STXBP5L: variants seen among roughly 807,000 people sequenced by gnomAD.
The protein encoded by STXBP5L is syntaxin-binding protein 5-like.
In STXBP5L, 65 loss-of-function variants were observed where a neutral mutation model predicts 144.5. The ratio of observed to expected loss-of-function variants is 0.45; its 90% confidence interval spans 0.37 to 0.55. The LOEUF is 0.55. Among genes scored for constraint, STXBP5L ranks in the 20% least tolerant of loss-of-function variants. The pLI is 0.00. For missense variants in STXBP5L, 1,298 were observed against 1,405.5 expected, an observed-to-expected ratio of 0.92 and a Z score of 1.22; for synonymous variants, 505 against 469.6, an observed-to-expected ratio of 1.08 and a Z score of -0.97.
chr3:121,053,396 A>G (rs1241105525), intron 5 of STXBP5L, among the ~76,000 whole-genome samples: 3 of 152,226 alleles, frequency 2.0e-5, no homozygotes, highest in Admixed American at 6.5e-5. Context: ...AAACAGAGAT[A>G]TAGATCAATG....
At chr3:121,151,853 A>G (rs778319784) in intron 7 of STXBP5L, among the ~76,000 whole-genome samples, 2 of 152,022 alleles carry the variant, frequency 1.3e-5, no homozygotes, top group Non-Finnish European at 2.9e-5. Context: ...TAGCTTAATG[A>G]CTGAGTCTTA....
At chr3:121,396,092 T>C (rs554789103) in intron 22 of STXBP5L, among the ~76,000 whole-genome samples, 33 of 152,360 alleles carry the variant, frequency 2.2e-4, no homozygotes, top group African/African-American at 7.9e-4. Context: ...CCCCACCAAA[T>C]CAGTTGTTCT....
intron 5 of STXBP5L, among the ~76,000 whole-genome samples, chr3:121,063,425 A>G (rs917798122): frequency 4.6e-5 from 7 of 152,110 alleles, no homozygotes; most frequent in South Asian, 2.1e-4. Context: ...TGTATGAGGT[A>G]TCTGTCAACC....
At chr3:121,272,878 T>G (rs1216607335) in intron 18 of STXBP5L, among the ~76,000 whole-genome samples, 1 of 152,076 alleles carries the variant, frequency 6.6e-6, no homozygotes. Flanking sequence ...TCAATTTCAT[T>G]CAAAATCTCT....
chr3:121,401,987 A>G (rs2046888758), intron 22 of STXBP5L, among the ~76,000 whole-genome samples: 1 of 152,174 alleles, frequency 6.6e-6, no homozygotes. Flanking sequence ...AACCTTGAAG[A>G]CAAAAAGTGG....
At chr3:121,259,592 T>A (rs1228807317) in intron 18 of STXBP5L, among the ~76,000 whole-genome samples, 1 of 152,124 alleles carries the variant, frequency 6.6e-6, no homozygotes, top group East Asian at 1.9e-4. Flanking sequence ...AGACCTTACA[T>A]TTGATTATTT....
intron 12 of STXBP5L, among the ~76,000 whole-genome samples, chr3:121,237,926 A>T (rs1227305553): frequency 6.6e-6 from 1 of 152,190 alleles, no homozygotes; most frequent in Non-Finnish European, 1.5e-5. Flanking sequence ...AGACCTCATT[A>T]GCATAGCCTT....
chr3:120,963,861 T>TAA (rs1939204188), intron 3 of STXBP5L, among the ~76,000 whole-genome samples: 1 of 152,204 alleles, frequency 6.6e-6, no homozygotes, highest in Non-Finnish European at 1.5e-5. Context: ...CAGCTCCTCT[T>TAA]AGTACCTCTG....
In STXBP5L at chr3:121,028,794, A is replaced by G. The variant is rs1400959292; in HGVS notation, c.288-12906A>G. ...ACTTTGCTTCCTTCACTGAGCCAAA[A>G]TTCCACATTCAGGTTCTGTTTTTGT... On this transcript the variant is annotated intron_variant, in intron 3 of 26. Transcript: ENST00000471454. Among the ~76,000 whole-genome samples, 5 of 152,202 alleles carry G rather than the reference A, an allele frequency of 3.3e-5. No individual in the cohort carries two copies. The East Asian group carries it at 9.6e-4, about 29-fold the overall frequency.
At position 120,921,977 on chromosome 3, in the gene STXBP5L, A is replaced by AT. The variant is rs200714706; in HGVS notation, c.189+12219dup. Among the ~76,000 whole-genome samples, 184 of 150,728 alleles carry AT rather than the reference A, an allele frequency of 1.2e-3. 3 individuals carry two copies. In the East Asian group the frequency reaches 0.025, roughly 21 times the overall value. Reference sequence around the variant, plus strand: ...TTTGTGGTTTCATATAAATTTTAGGATTTTTTTTTGTGTTTCTGTGAAGAA... The same window carrying AT: ...TTTGTGGTTTCATATAAATTTTAGGATTTTTTTTTTGTGTTTCTGTGAAGAA... On this transcript the variant is annotated intron_variant, in intron 2 of 26. Transcript: ENST00000471454.
intron 9 of STXBP5L, among the ~76,000 whole-genome samples, chr3:121,192,042 A>T (rs1471554713): frequency 6.6e-6 from 1 of 152,152 alleles, no homozygotes; most frequent in African/African-American, 2.4e-5. Flanking sequence ...ACATGTATAC[A>T]TATGTAACAA....
At chr3:121,111,656 A>G (rs1026687683) in intron 5 of STXBP5L, among the ~76,000 whole-genome samples, 2 of 152,178 alleles carry the variant, frequency 1.3e-5, no homozygotes, top group Middle Eastern at 3.2e-3. Context: ...ATGGTCCTAA[A>G]TAAGGTGTCT....
intron 18 of STXBP5L, among the ~76,000 whole-genome samples, chr3:121,267,870 C>A (rs1293800118): frequency 6.6e-6 from 1 of 152,098 alleles, no homozygotes; most frequent in Non-Finnish European, 1.5e-5. Context: ...TTATCTCACG[C>A]CAGTTAGAAT....
intron 23 of STXBP5L, among the ~76,000 whole-genome samples, chr3:121,412,218 A>T (rs2047128295): frequency 6.6e-6 from 1 of 152,144 alleles, no homozygotes; most frequent in Non-Finnish European, 1.5e-5. Flanking sequence ...TTCTGCCAGG[A>T]AACCAGGGTC....
intron 9 of STXBP5L, among the ~76,000 whole-genome samples, chr3:121,180,296 A>G (rs541683433): frequency 6.6e-6 from 1 of 152,332 alleles, no homozygotes; most frequent in Admixed American, 6.5e-5. Flanking sequence ...GCCTACTTAA[A>G]CAAAATACTT....
intron 19 of STXBP5L, among the ~76,000 whole-genome samples, chr3:121,299,706 G>T (rs2051809085): frequency 1.3e-5 from 2 of 151,838 alleles, no homozygotes; most frequent in African/African-American, 2.4e-5. Context: ...ATACAAAAAG[G>T]CCAGGCATGG....
At chr3:121,059,436 G>A (rs767208532) in intron 5 of STXBP5L, among the ~76,000 whole-genome samples, 6 of 152,106 alleles carry the variant, frequency 3.9e-5, no homozygotes, top group Non-Finnish European at 5.9e-5. Context: ...TTTTTGCTTA[G>A]GATTGTCGTG....
intron 3 of STXBP5L, among the ~76,000 whole-genome samples, chr3:120,996,887 C>T (rs1288003386): frequency 6.6e-6 from 1 of 152,108 alleles, no homozygotes; most frequent in Non-Finnish European, 1.5e-5. Context: ...ATTTGGTCTA[C>T]AGATTATATC....
At chr3:121,331,259 C>T (rs2044312435) in intron 20 of STXBP5L, among the ~76,000 whole-genome samples, 3 of 152,212 alleles carry the variant, frequency 2.0e-5, no homozygotes, top group South Asian at 4.1e-4. Context: ...TCTCCCCCAA[C>T]AGTCAGGCAG....
Sources: allele counts gnomAD v4.1 joint callset (sites outside exome capture counted in the v4.1 genomes callset), GRCh38; gene constraint gnomAD v4.1.1; transcripts MANE v1.5; gene names NCBI Gene and HGNC (gene_info 2026-07-23, HGNC 2026-07-21).